The following GPR55 variants were observed in gnomAD, a reference collection of about 807,000 sequenced individuals.
The protein encoded by GPR55 is G-protein coupled receptor 55.
A neutral mutation model predicts 7.9 loss-of-function variants in GPR55; 6 were observed. The ratio of observed to expected loss-of-function variants is 0.76; its 90% confidence interval spans 0.41 to 1.49. The LOEUF is 1.49. Among genes scored for constraint, GPR55 ranks in the 40% most tolerant of loss-of-function variants. GPR55 has a pLI of 0.01. For synonymous variants in GPR55, 183 were observed against 166.8 expected, an observed-to-expected ratio of 1.10 and a Z score of -0.75; for missense variants, 376 against 406.0, an observed-to-expected ratio of 0.93 and a Z score of 0.63.
chr2:230,950,187 C>A (rs910494944), intron 1 of GPR55, among the ~76,000 whole-genome samples: 2 of 152,224 alleles, frequency 1.3e-5, no homozygotes, highest in East Asian at 3.9e-4. Flanking sequence ...TAGATAAGAG[C>A]TTTTTGAGAT....
chr2:230,943,349 C>T (rs767737914), intron 1 of GPR55, among the ~76,000 whole-genome samples: 3 of 152,166 alleles, frequency 2.0e-5, no homozygotes, highest in Non-Finnish European at 4.4e-5. Context: ...CCTTCCTGTG[C>T]ACCTCCTCTC....
At chr2:230,937,988 T>A (rs1358294607) in intron 1 of GPR55, among the ~76,000 whole-genome samples, 1 of 151,528 alleles carries the variant, frequency 6.6e-6, no homozygotes, top group African/African-American at 2.4e-5. Flanking sequence ...GATCCTCATC[T>A]CTACCAAAAA....
At chr2:230,911,164 G>A in intron 1 of GPR55, 68 bp from the exon 2 acceptor site, 3 of 585,398 alleles carry the variant, frequency 5.1e-6, no homozygotes, top group South Asian at 2.5e-5. Context: ...TACTTTTTGT[G>A]TATATCATTC....
intron 1 of GPR55, among the ~76,000 whole-genome samples, chr2:230,911,653 T>C (rs1286551710): frequency 1.3e-5 from 2 of 152,184 alleles, no homozygotes; most frequent in African/African-American, 4.8e-5. Context: ...CAGGGATTCA[T>C]AGTTGCCAAG....
In GPR55 at chr2:230,944,575, C is replaced by G. The variant is rs936308068; in HGVS notation, c.-135+16200G>C. Reference sequence around the variant, plus strand: ...AGAATGCCGTGTCTCTGGGAGCCCCCGGAGAATGACTCAACAGTGACGTCC... The same window carrying G: ...AGAATGCCGTGTCTCTGGGAGCCCCGGGAGAATGACTCAACAGTGACGTCC... On this transcript the variant is annotated intron_variant, in intron 1 of 1. Coordinates refer to the GPR55 transcript ENST00000392039. The surrounding 1 kb of genome is among the most constrained non-coding windows in gnomAD (Gnocchi z 4.2). Among the ~76,000 whole-genome samples the G allele has an allele frequency of 2.0e-5, 3 of 152,172 alleles. No individual in the cohort carries two copies. Among genetic ancestry groups the G allele is most frequent in the Middle Eastern group, 6.8e-3 (2 of 294 alleles).
At chr2:230,938,101 C>T (rs781362109) in intron 1 of GPR55, among the ~76,000 whole-genome samples, 8 of 140,514 alleles carry the variant, frequency 5.7e-5, no homozygotes, top group African/African-American at 1.4e-4. Context: ...GAGCCGTGAT[C>T]GCACCACTGT....
Position 230,910,469 on chromosome 2 carries a change from T to A in GPR55, c.494A>T (p.Lys165Ile). The change falls in exon 2 of 2, where the codon AAA becomes ATA. Residue 165 changes from lysine (K) to isoleucine (I), a missense_variant. By Grantham distance (102) the Lys-to-Ile change is moderately radical. Transcript: ENST00000650999. This position sits in a 1 kb window ranked among gnomAD's most constrained non-coding sequence, Gnocchi z 5.4. Reference sequence around the variant, plus strand: ...AGACATGTTGTGGAAGCACATGTATTTTTCCACTTTCCCATGGAAACTGTA... The same window carrying A: ...AGACATGTTGTGGAAGCACATGTATATTTCCACTTTCCCATGGAAACTGTA... ...PIYSFHGKVEKYMCFHNMSDD... is the reference protein window; with the variant it reads ...PIYSFHGKVEIYMCFHNMSDD... 6.2e-7 allele frequency: 1 copy of A among 1,613,992 alleles called. No individual in the cohort carries two copies. Among genetic ancestry groups the A allele is most frequent in the East Asian group, 2.2e-5 (1 of 44,868 alleles).
intron 1 of GPR55, among the ~76,000 whole-genome samples, chr2:230,943,431 T>C (rs1305433733): frequency 6.6e-6 from 1 of 152,128 alleles, no homozygotes; most frequent in Non-Finnish European, 1.5e-5. Flanking sequence ...TGCTAAGAGA[T>C]GTCTGGGCTC....
intron 1 of GPR55, among the ~76,000 whole-genome samples, chr2:230,921,912 G>A (rs541995709): frequency 3.9e-5 from 6 of 152,132 alleles, no homozygotes; most frequent in Admixed American, 3.3e-4. Context: ...TCCAGTGATC[G>A]TGACGTGTTC....
intron 1 of GPR55, among the ~76,000 whole-genome samples, chr2:230,948,416 C>G (rs1691351603): frequency 6.6e-6 from 1 of 152,200 alleles, no homozygotes; most frequent in Non-Finnish European, 1.5e-5. Flanking sequence ...TTTGTTTTCA[C>G]TAATTGCAAA....
At chr2:230,922,861 T>G (rs2396776) in intron 1 of GPR55, among the ~76,000 whole-genome samples, 20,871 of 152,090 alleles carry the variant, frequency 0.14, 1,443 homozygotes, top group Middle Eastern at 0.18. Context: ...GAGCCATCGC[T>G]CCTGGCCTAA....
chr2:230,959,966 G>A (rs11897356), intron 1 of GPR55, among the ~76,000 whole-genome samples: 2,703 of 152,324 alleles, frequency 0.018, 80 homozygotes, highest in African/African-American at 0.062. Context: ...GTCAGACTCA[G>A]AAAAGCTCTC....
At chr2:230,915,082 T>C (rs544483946) in intron 1 of GPR55, among the ~76,000 whole-genome samples, 52 of 152,308 alleles carry the variant, frequency 3.4e-4, no homozygotes, top group African/African-American at 1.2e-3. Context: ...TCCGCAGAAA[T>C]CGCCCCAGGC....
intron 1 of GPR55, among the ~76,000 whole-genome samples, chr2:230,948,253 A>G (rs1423384308): frequency 6.6e-6 from 1 of 152,082 alleles, no homozygotes; most frequent in Admixed American, 6.6e-5. Flanking sequence ...CAGCTGAGCT[A>G]TCAGCCCCTC....
In GPR55 at chr2:230,907,974, C is replaced by T. The variant is rs957385762; in HGVS notation, c.*2029G>A. 6.6e-6 allele frequency: 1 copy of T among 152,210 alleles called. No homozygotes were observed. Among genetic ancestry groups the T allele is most frequent in the African/African-American group, 2.4e-5 (1 of 41,442 alleles). The allele number at this position is 152,210 out of a possible 1,614,324, so 9.4% of individuals were successfully genotyped here. On this transcript the variant is annotated 3_prime_UTR_variant, in exon 2 of 2. Transcript: ENST00000650999. ...GTGGGAGGAGGGTGGTCACTAAATC[C>T]ACCACCCGTAGACACTGACCCGAAC...
In GPR55 at chr2:230,910,934, C is replaced by G; in HGVS notation, c.29G>C (p.Cys10Ser). The G allele has an allele frequency of 6.2e-7, 1 of 1,607,022 alleles. No homozygotes were observed. The highest frequency in any genetic ancestry group is 8.5e-7 in the Non-Finnish European group (1 of 1,174,470). Residue 10 changes from cysteine (C) to serine (S), a missense_variant, in exon 2 of 2, where the codon TGC becomes TCC. Physicochemically the swap from Cys to Ser is moderately radical, Grantham distance 112. Transcript: ENST00000650999. The surrounding 1 kb of genome is among the most constrained non-coding windows in gnomAD (Gnocchi z 5.4). ...CAGCTCGTTGACACCGTCAAACAGG[C>G]AGTCCCCACTGGTGTTTTGCTGACT... Reference protein sequence around the residue: MSQQNTSGDCLFDGVNELMK... With the variant: MSQQNTSGDSLFDGVNELMK...
At chr2:230,928,693 AG>A (rs1418014443), upstream of GPR55, 1 of 152,148 alleles carries the variant, frequency 6.6e-6, no homozygotes, top group Admixed American at 6.5e-5. Flanking sequence ...TTGAAGGAAA[AG>A]AAAAAAAAAG....
intron 1 of GPR55, among the ~76,000 whole-genome samples, chr2:230,915,150 G>A (rs1453081896): frequency 6.6e-6 from 1 of 152,240 alleles, no homozygotes; most frequent in Non-Finnish European, 1.5e-5. Context: ...AGTGGCATCA[G>A]CATCAACATC....
intron 1 of GPR55, among the ~76,000 whole-genome samples, chr2:230,939,196 G>C (rs538369322): frequency 4.6e-5 from 7 of 151,944 alleles, no homozygotes; most frequent in African/African-American, 1.7e-4. Flanking sequence ...AAGGGCTGTG[G>C]AGTTCTGGGG....
Sources: gnomAD v4.1 joint callset for allele counts (sites outside exome capture counted in the v4.1 genomes callset) on GRCh38, gnomAD v4.1.1 for gene constraint, Gnocchi (gnomAD v3.1) non-coding constraint, MANE v1.5 for transcripts, NCBI Gene and HGNC (gene_info 2026-07-23, HGNC 2026-07-21) for gene names.